ZSCAN25: variants seen among roughly 807,000 people sequenced by gnomAD.
The protein encoded by ZSCAN25 is zinc finger and SCAN domain containing 25.
ZSCAN25 carries 27 observed loss-of-function variants against 38.7 expected under a neutral mutation model. That is an observed-to-expected ratio of 0.70 (90% CI 0.51 to 0.96). The LOEUF (loss-of-function observed/expected upper bound fraction) is 0.96. Ranked by LOEUF, ZSCAN25 falls within the 40% of genes least tolerant of loss-of-function variation. The probability of loss-of-function intolerance (pLI) is 0.00; values close to 1 mark genes in which losing one functional copy is unlikely to be tolerated. For synonymous variants in ZSCAN25, 273 were observed against 277.7 expected, an observed-to-expected ratio of 0.98 and a Z score of 0.17; for missense variants, 637 against 705.9, an observed-to-expected ratio of 0.90 and a Z score of 1.11.
intron 4 of ZSCAN25, 25 bp from the exon 5 acceptor site, chr7:99,621,348 A>C (rs760175729): frequency 4.5e-6 from 6 of 1,332,700 alleles, no homozygotes; most frequent in Non-Finnish European, 5.8e-6. Flanking sequence ...GCCTCATTCT[A>C]ATCGGTGTTG....
At chr7:99,715,770 C>A in the ZSCAN25 span, 19 of 1,613,516 alleles carry the variant, frequency 1.2e-5, no homozygotes, top group East Asian at 2.2e-5. Flanking sequence ...ATTGAGAGAA[C>A]GAATGGATCT....
the ZSCAN25 span, chr7:99,710,638 A>G: frequency 6.3e-7 from 1 of 1,596,320 alleles, no homozygotes; most frequent in Non-Finnish European, 8.5e-7. Context: ...AATCATGATT[A>G]TGCTTTTTAT....
rs112266858 is a variant in ZSCAN25, at chr7:99,627,036, A to G, written c.806-2155A>G. Among the ~76,000 whole-genome samples the G allele has an allele frequency of 1.5e-3, 224 of 152,320 alleles. 1 individual carries two copies. Among genetic ancestry groups the G allele is most frequent in the African/African-American group, 5.2e-3 (216 of 41,562 alleles). On this transcript the variant is annotated intron_variant, in intron 7 of 7. Coordinates refer to ENST00000394152, the MANE Select transcript of ZSCAN25 (RefSeq NM_145115.3). The stretch of plus-strand genomic sequence containing the variant: ...TGAACTCTTATTATACAAATTTTCA[A>G]ACATACAGAAAAGCTAAGACTAGTA...
At chr7:99,639,177 G>C in the ZSCAN25 span, among the ~76,000 whole-genome samples, 1 of 152,196 alleles carries the variant, frequency 6.6e-6, no homozygotes, top group African/African-American at 2.4e-5. Context: ...ACGTCCCCTG[G>C]GGGAGGCAGA....
the ZSCAN25 span, among the ~76,000 whole-genome samples, chr7:99,706,592 G>A: frequency 1.3e-5 from 2 of 152,170 alleles, no homozygotes; most frequent in East Asian, 1.9e-4. Context: ...AATGACATCT[G>A]TTCTTTAACT....
downstream of ZSCAN25, among the ~76,000 whole-genome samples, chr7:99,636,046 CAAA>C (rs780898445): frequency 1.9e-3 from 84 of 43,384 alleles, no homozygotes; most frequent in African/African-American, 5.0e-3. Flanking sequence ...GACTCCATCT[CAAA>C]AAAAAAAAAA....
chr7:99,641,442 A>C, the ZSCAN25 span, among the ~76,000 whole-genome samples: 1 of 152,184 alleles, frequency 6.6e-6, no homozygotes, highest in Non-Finnish European at 1.5e-5. Flanking sequence ...ACTATAATTC[A>C]AGATGAGATT....
chr7:99,703,721 C>T, the ZSCAN25 span, among the ~76,000 whole-genome samples: 1 of 152,030 alleles, frequency 6.6e-6, no homozygotes, highest in Admixed American at 6.6e-5. Flanking sequence ...TTGATAAATC[C>T]CCTTTATGTA....
At chr7:99,715,546 G>T in the ZSCAN25 span, 2 of 786,246 alleles carry the variant, frequency 2.5e-6, no homozygotes, top group Non-Finnish European at 3.9e-6. Flanking sequence ...CAGGATTTCT[G>T]GCAGGGGGTT....
the ZSCAN25 span, among the ~76,000 whole-genome samples, chr7:99,726,233 AC>A: frequency 6.6e-6 from 1 of 151,880 alleles, no homozygotes; most frequent in Non-Finnish European, 1.5e-5. Context: ...AAGCCTAATC[AC>A]CCTTACCCAG....
At chr7:99,628,676 A>G (rs1318187276) in intron 7 of ZSCAN25, among the ~76,000 whole-genome samples, 1 of 152,214 alleles carries the variant, frequency 6.6e-6, no homozygotes, top group Non-Finnish European at 1.5e-5. Flanking sequence ...GAACCTGGTT[A>G]GGCAGAGGGA....
At chr7:99,650,364 G>C in the ZSCAN25 span, 4 of 795,148 alleles carry the variant, frequency 5.0e-6, no homozygotes, top group Non-Finnish European at 8.1e-6. Flanking sequence ...TTTGTGGGCT[G>C]GTCATTGAAA....
At chr7:99,625,730 C>T (rs536315456) in intron 7 of ZSCAN25, among the ~76,000 whole-genome samples, 3 of 152,264 alleles carry the variant, frequency 2.0e-5, no homozygotes, top group Admixed American at 1.3e-4. Flanking sequence ...CCCCTCGCCC[C>T]CATTCTCAGA....
chr7:99,627,719 C>T (rs942565743), intron 7 of ZSCAN25, among the ~76,000 whole-genome samples: 8 of 147,528 alleles, frequency 5.4e-5, no homozygotes, highest in Non-Finnish European at 1.0e-4. Flanking sequence ...ATGCTGTATA[C>T]GTATATCTCG....
At chr7:99,645,656 G>A in the ZSCAN25 span, among the ~76,000 whole-genome samples, 3 of 152,072 alleles carry the variant, frequency 2.0e-5, no homozygotes, top group East Asian at 1.9e-4. Flanking sequence ...TCTGACTGGT[G>A]TTAGATGGTA....
chr7:99,690,387 C>T, the ZSCAN25 span, among the ~76,000 whole-genome samples: 2 of 152,134 alleles, frequency 1.3e-5, no homozygotes, highest in Non-Finnish European at 2.9e-5. Flanking sequence ...GAGGCATGGG[C>T]AAGGACTTCA....
At chr7:99,715,825 G>C in the ZSCAN25 span, 6 of 1,613,800 alleles carry the variant, frequency 3.7e-6, no homozygotes, top group South Asian at 6.6e-5. Flanking sequence ...CCACAAAGGG[G>C]TCTTGTGGAT....
At chr7:99,732,589 A>G in the ZSCAN25 span, among the ~76,000 whole-genome samples, 1 of 152,080 alleles carries the variant, frequency 6.6e-6, no homozygotes, top group African/African-American at 2.4e-5. Context: ...GACTTCCCCA[A>G]CTGGGGATTC....
chr7:99,621,739 G>A lies in ZSCAN25; in HGVS notation c.589+165G>A, dbSNP rs1806984483. 5 of 491,148 alleles carry A rather than the reference G, an allele frequency of 1.0e-5. No individual in the cohort carries two copies. In the East Asian group the frequency reaches 1.8e-4, roughly 17 times the overall value. The allele number at this position is 491,148 out of a possible 1,614,324, so 30.4% of individuals were successfully genotyped here. On this transcript the variant is annotated intron_variant, in intron 5 of 7. Coordinates refer to ENST00000394152, the MANE Select transcript of ZSCAN25 (RefSeq NM_145115.3). ...CTTAGGAAATAGATGAAGTGAAATT[G>A]TTTCTTCTCCCTTTACCCTCTGGTG...
Sources: allele counts gnomAD v4.1 joint callset (sites outside exome capture counted in the v4.1 genomes callset), GRCh38; gene constraint gnomAD v4.1.1; transcripts MANE v1.5; gene names NCBI Gene and HGNC (gene_info 2026-07-23, HGNC 2026-07-21).